The following SNTG1 variants were observed in gnomAD, a reference collection of about 807,000 sequenced individuals.
The protein encoded by SNTG1 is gamma-1-syntrophin.
Under a neutral mutation model 74.7 loss-of-function variants are expected in SNTG1, and 39 were observed. That is an observed-to-expected ratio of 0.52 (90% CI 0.40 to 0.68). The LOEUF is 0.68. SNTG1 is among the 30% of genes least tolerant of loss of function. The probability of loss-of-function intolerance (pLI) is 0.00; values close to 1 mark genes in which losing one functional copy is unlikely to be tolerated. For missense variants in SNTG1, 685 were observed against 609.5 expected (o/e 1.12, Z -1.30); for synonymous variants, 254 against 217.1 (o/e 1.17, Z -1.49).
Position 50,092,109 on chromosome 8 carries a change from T to C in SNTG1, c.-102-80452T>C, listed in dbSNP as rs200228052. On this transcript the variant is annotated intron_variant, in intron 1 of 18. Coordinates refer to ENST00000642720, the MANE Select transcript of SNTG1 (RefSeq NM_018967.5). ...GATTATAATTAATAATTGACTTGCA[T>C]CAGGTTTGCTGTTTTGTGTCCTTTA... Among the ~76,000 whole-genome samples, 6 of 152,302 alleles carry C rather than the reference T, an allele frequency of 3.9e-5. No individual in the cohort carries two copies. In the East Asian group the frequency reaches 1.2e-3, roughly 29 times the overall value.
intron 8 of SNTG1, among the ~76,000 whole-genome samples, chr8:50,500,856 G>T (rs1000374026): frequency 3.3e-5 from 5 of 152,130 alleles, no homozygotes; most frequent in Admixed American, 6.5e-5. Context: ...GCTGGTTATG[G>T]AGGGTTCCTC....
At chr8:50,145,286 T>A (rs1026233407) in intron 1 of SNTG1, among the ~76,000 whole-genome samples, 1 of 152,172 alleles carries the variant, frequency 6.6e-6, no homozygotes, top group Non-Finnish European at 1.5e-5. Context: ...TTGAAACAGA[T>A]AAATATGAAA....
At chr8:50,730,051 G>A (rs753142776) in intron 17 of SNTG1, among the ~76,000 whole-genome samples, 19 of 152,016 alleles carry the variant, frequency 1.2e-4, no homozygotes, top group Non-Finnish European at 2.2e-4. Context: ...AAATGAGAGC[G>A]ATTGGGAAGA....
intron 1 of SNTG1, among the ~76,000 whole-genome samples, chr8:49,976,426 G>T (rs1812199139): frequency 6.6e-6 from 1 of 152,096 alleles, no homozygotes; most frequent in East Asian, 1.9e-4. Context: ...AGGTTGTGGG[G>T]CTGAATAAGC....
At chr8:50,705,913 A>G (rs2095441940) in intron 16 of SNTG1, among the ~76,000 whole-genome samples, 1 of 152,254 alleles carries the variant, frequency 6.6e-6, no homozygotes, top group South Asian at 2.1e-4. Flanking sequence ...AGATCCATAG[A>G]GCAAGGACCT....
At chr8:50,070,623 A>G (rs996361473) in intron 1 of SNTG1, among the ~76,000 whole-genome samples, 6 of 152,236 alleles carry the variant, frequency 3.9e-5, no homozygotes, top group African/African-American at 1.4e-4. Context: ...TGAAAAATCA[A>G]AGCAAAAACA....
intron 2 of SNTG1, among the ~76,000 whole-genome samples, chr8:50,213,197 CATCAT>C (rs2084608754): frequency 6.6e-6 from 1 of 152,134 alleles, no homozygotes; most frequent in South Asian, 2.1e-4. Flanking sequence ...GGAAATAAAT[CATCAT>C]ATATGTGTGG....
intron 11 of SNTG1, among the ~76,000 whole-genome samples, chr8:50,545,426 A>T (rs1358118637): frequency 6.7e-6 from 1 of 150,172 alleles, no homozygotes; most frequent in African/African-American, 2.4e-5. Context: ...TTTTTCTTAT[A>T]TGCAAAATGA....
intron 2 of SNTG1, among the ~76,000 whole-genome samples, chr8:50,198,201 A>T (rs995786315): frequency 6.6e-6 from 1 of 152,138 alleles, no homozygotes; most frequent in African/African-American, 2.4e-5. Flanking sequence ...CTCAGAAAAA[A>T]ACAGCATCTG....
At chr8:50,489,833 A>C (rs2093834756) in intron 8 of SNTG1, among the ~76,000 whole-genome samples, 1 of 152,180 alleles carries the variant, frequency 6.6e-6, no homozygotes, top group South Asian at 2.1e-4. Context: ...TTTAGTCATG[A>C]AGTCTTTGCC....
intron 13 of SNTG1, among the ~76,000 whole-genome samples, chr8:50,598,371 T>C (rs942846751): frequency 5.3e-5 from 8 of 152,028 alleles, no homozygotes; most frequent in Admixed American, 1.3e-4. Context: ...TATGTGTTCT[T>C]GACACTTTTG....
intron 2 of SNTG1, among the ~76,000 whole-genome samples, chr8:50,344,789 A>C (rs1244693890): frequency 2.0e-5 from 3 of 152,182 alleles, no homozygotes; most frequent in Non-Finnish European, 4.4e-5. Context: ...GCTGAATTGC[A>C]TTTCACCAAA....
chr8:50,557,020 T>C (rs2094459476), intron 12 of SNTG1, among the ~76,000 whole-genome samples: 1 of 152,094 alleles, frequency 6.6e-6, no homozygotes, highest in African/African-American at 2.4e-5. Context: ...GCACCCCATC[T>C]CACACCACTC....
intron 11 of SNTG1, among the ~76,000 whole-genome samples, chr8:50,546,959 T>C (rs2094392559): frequency 6.6e-6 from 1 of 152,102 alleles, no homozygotes; most frequent in African/African-American, 2.4e-5. Context: ...TTTTTGTGTT[T>C]TTTAGTAGAG....
chr8:50,687,474 T>A (rs2131420459), intron 15 of SNTG1, among the ~76,000 whole-genome samples: 1 of 152,202 alleles, frequency 6.6e-6, no homozygotes, highest in Admixed American at 6.5e-5. Context: ...TTAAACAGAA[T>A]CAGAGGTAGC....
In SNTG1 at chr8:50,668,495, CATTATTATTATTATTATT is replaced by C. The variant is rs67860057; in HGVS notation, c.1038+9857_1038+9874del. Among the ~76,000 whole-genome samples the C allele has an allele frequency of 2.3e-3, 336 of 145,232 alleles. 1 individual carries two copies. The highest frequency in any genetic ancestry group is 6.5e-3 in the African/African-American group (255 of 39,052). ...ATACCTATGTTCTTCATCTTTCGCA[CATTATTATTATTATTATT>C]ATTATTATTATTATTATTATTATTT... On this transcript the variant is annotated intron_variant, in intron 15 of 18. Coordinates refer to ENST00000642720, the MANE Select transcript of SNTG1 (RefSeq NM_018967.5).
chr8:50,669,959 G>C (rs2095271396), intron 15 of SNTG1, among the ~76,000 whole-genome samples: 1 of 152,132 alleles, frequency 6.6e-6, no homozygotes, highest in South Asian at 2.1e-4. Flanking sequence ...TATCTCAATA[G>C]ATGCAGAAAA....
intron 2 of SNTG1, among the ~76,000 whole-genome samples, chr8:50,213,170 A>C (rs2084607132): frequency 6.6e-6 from 1 of 152,250 alleles, no homozygotes; most frequent in South Asian, 2.1e-4. Flanking sequence ...GCGGTGTGCC[A>C]ATAGATATTT....
chr8:50,623,220 G>A (rs1416967743), intron 13 of SNTG1, among the ~76,000 whole-genome samples: 2 of 151,980 alleles, frequency 1.3e-5, no homozygotes, highest in African/African-American at 4.8e-5. Context: ...AAAAGAAGTG[G>A]CAAAAGTGGG....
Sources: allele counts gnomAD v4.1 joint callset (sites outside exome capture counted in the v4.1 genomes callset), GRCh38; gene constraint gnomAD v4.1.1; transcripts MANE v1.5; gene names NCBI Gene and HGNC (gene_info 2026-07-23, HGNC 2026-07-21).